The following POLR3B variants were observed in gnomAD, a reference collection of about 807,000 sequenced individuals.
POLR3B encodes the protein DNA-directed RNA polymerase III subunit RPC2.
POLR3B carries 96 observed loss-of-function variants against 147.4 expected under a neutral mutation model. That is an observed-to-expected ratio of 0.65 (90% confidence interval 0.55 to 0.77). The LOEUF is 0.77. Among genes scored for constraint, POLR3B ranks in the 30% least tolerant of loss-of-function variants. The pLI is 0.00. For missense variants in POLR3B, 1,036 were observed against 1,413.5 expected, an observed-to-expected ratio of 0.73 and a Z score of 4.28; for synonymous variants, 461 against 485.9, an observed-to-expected ratio of 0.95 and a Z score of 0.67.
chr12:106,396,460 A>C (rs1469683973), intron 10 of POLR3B, among the ~76,000 whole-genome samples: 1 of 152,232 alleles, frequency 6.6e-6, no homozygotes, highest in African/African-American at 2.4e-5. Flanking sequence ...GTTTCATTCA[A>C]TTCCAAACAC....
intron 12 of POLR3B, among the ~76,000 whole-genome samples, chr12:106,419,797 T>TC (rs1555212746): frequency 3.7e-5 from 3 of 81,410 alleles, no homozygotes; most frequent in Admixed American, 1.1e-4. Flanking sequence ...AGTTTTGCTT[T>TC]TTTTTTTTTT....
chr12:106,445,895 A>G (rs563591932), intron 19 of POLR3B, among the ~76,000 whole-genome samples: 8 of 152,312 alleles, frequency 5.3e-5, no homozygotes, highest in Non-Finnish European at 1.0e-4. Context: ...ATGGATAGAG[A>G]GTAGATATAT....
At chr12:106,431,525 G>A (rs959675414) in intron 14 of POLR3B, among the ~76,000 whole-genome samples, 2 of 151,994 alleles carry the variant, frequency 1.3e-5, no homozygotes, top group African/African-American at 4.8e-5. Context: ...GAACTGTACC[G>A]GGTTGCATAG....
At chr12:106,461,378 G>A (rs931303416) in intron 22 of POLR3B, among the ~76,000 whole-genome samples, 7 of 151,990 alleles carry the variant, frequency 4.6e-5, no homozygotes, top group South Asian at 2.1e-4. Flanking sequence ...ATAAGCCACC[G>A]TGCCCAGCCC....
intron 1 of POLR3B, 26 bp from the exon 2 acceptor site, chr12:106,363,844 G>C (rs2036498472): frequency 6.3e-6 from 10 of 1,586,748 alleles, no homozygotes; most frequent in Middle Eastern, 1.7e-4. Context: ...ACAGAGTTCT[G>C]ATATTCTTCT....
Position 106,459,350 on chromosome 12 carries a change from A to G in POLR3B, c.2552A>G (p.Tyr851Cys), listed in dbSNP as rs2037906195. The G allele has an allele frequency of 6.5e-7, 1 of 1,542,814 alleles. No homozygotes were observed. Among genetic ancestry groups the G allele is most frequent in the Non-Finnish European group, 9.0e-7 (1 of 1,114,966 alleles). Reference protein sequence around the residue: ...EGSNVPQQPQYKDVPITYKGA... With the variant: ...EGSNVPQQPQCKDVPITYKGA... ...AGTAATGTACCACAGCAACCACAGTACAAAGATGTACCCATAACGTATGTA... is the reference window on the plus strand; with the variant it reads ...AGTAATGTACCACAGCAACCACAGTGCAAAGATGTACCCATAACGTATGTA... The change falls in exon 22 of 28, where the codon TAC becomes TGC. Residue 851 changes from tyrosine (Y) to cysteine (C), a missense_variant. This residue lies in a region of POLR3B where 202 missense variants were observed against 272.8 expected (regional missense o/e 0.74). Transcript: ENST00000228347.
chr12:106,392,414 C>T (rs560491742), intron 9 of POLR3B, among the ~76,000 whole-genome samples: 5 of 152,288 alleles, frequency 3.3e-5, no homozygotes, highest in African/African-American at 7.2e-5. Flanking sequence ...CCACCTGCCT[C>T]GGCCTCCCAA....
chr12:106,467,068 T>C (rs2038016209), intron 23 of POLR3B, among the ~76,000 whole-genome samples: 1 of 152,218 alleles, frequency 6.6e-6, no homozygotes, highest in Admixed American at 6.5e-5. Context: ...CTGATATTGA[T>C]TCTTCTTATC....
At chr12:106,419,384 G>A (rs140216489) in intron 12 of POLR3B, among the ~76,000 whole-genome samples, 3 of 152,320 alleles carry the variant, frequency 2.0e-5, no homozygotes, top group Admixed American at 2.0e-4. Flanking sequence ...ATGAAATCCA[G>A]TTCCACTTAG....
chr12:106,426,848 C>G (rs1004170082), intron 12 of POLR3B, among the ~76,000 whole-genome samples: 6 of 100,252 alleles, frequency 6.0e-5, no homozygotes, highest in South Asian at 4.1e-4. Flanking sequence ...GTCCCCCCCC[C>G]CCCCCCCCGT....
intron 19 of POLR3B, among the ~76,000 whole-genome samples, chr12:106,452,074 G>A (rs1425912717): frequency 1.3e-5 from 2 of 152,216 alleles, no homozygotes; most frequent in African/African-American, 4.8e-5. Flanking sequence ...GTTTGAGCGT[G>A]TGCTGCACAC....
intron 8 of POLR3B, among the ~76,000 whole-genome samples, chr12:106,379,710 G>A (rs972014196): frequency 1.3e-5 from 2 of 152,170 alleles, no homozygotes; most frequent in African/African-American, 2.4e-5. Context: ...AATTGGCCTT[G>A]TATATATGCT....
At chr12:106,371,248 C>T (rs1352143727) in intron 6 of POLR3B, among the ~76,000 whole-genome samples, 2 of 152,192 alleles carry the variant, frequency 1.3e-5, no homozygotes, top group Admixed American at 6.5e-5. Context: ...GATACCATCT[C>T]ACATGAGTTA....
intron 23 of POLR3B, among the ~76,000 whole-genome samples, chr12:106,491,404 G>A (rs2038406785): frequency 6.6e-6 from 1 of 152,138 alleles, no homozygotes; most frequent in African/African-American, 2.4e-5. Flanking sequence ...TTTACAGACG[G>A]CATTTCCCCC....
intron 10 of POLR3B, among the ~76,000 whole-genome samples, chr12:106,402,927 A>G (rs1049263963): frequency 6.6e-6 from 1 of 152,230 alleles, no homozygotes; most frequent in African/African-American, 2.4e-5. Context: ...AAACACCAAA[A>G]GCAATGGCAA....
intron 26 of POLR3B, 75 bp downstream of exon 26, chr12:106,501,511 A>G: frequency 2.2e-6 from 2 of 916,722 alleles, no homozygotes; most frequent in Non-Finnish European, 3.5e-6. Flanking sequence ...TATGGCAAAA[A>G]GCAGACTCAA....
At chr12:106,473,984 T>G (rs994336815) in intron 23 of POLR3B, among the ~76,000 whole-genome samples, 6 of 145,808 alleles carry the variant, frequency 4.1e-5, no homozygotes, top group Non-Finnish European at 7.6e-5. Flanking sequence ...CCATTCAGTA[T>G]GATATTGGCT....
At chr12:106,414,220 G>GAAA (rs2037270133) in intron 12 of POLR3B, among the ~76,000 whole-genome samples, 1 of 25,572 alleles carries the variant, frequency 3.9e-5, no homozygotes, top group Non-Finnish European at 1.1e-4. Context: ...GGATACAAAA[G>GAAA]TAAAAAAAAA....
At chr12:106,456,438 A>G (rs1400065467) in intron 20 of POLR3B, among the ~76,000 whole-genome samples, 1 of 152,194 alleles carries the variant, frequency 6.6e-6, no homozygotes, top group Non-Finnish European at 1.5e-5. Flanking sequence ...TAAAAATGTA[A>G]TTAAACTCCA....
Sources: gnomAD v4.1 joint callset for allele counts (sites outside exome capture counted in the v4.1 genomes callset) on GRCh38, gnomAD v4.1.1 for gene constraint, gnomAD v4.1.1 regional missense constraint, MANE v1.5 for transcripts, NCBI Gene and HGNC (gene_info 2026-07-23, HGNC 2026-07-21) for gene names.